Variants in MAST4 observed in about 807,000 individuals in gnomAD.
The protein encoded by MAST4 is microtubule-associated serine/threonine-protein kinase 4.
A neutral mutation model predicts 162.7 loss-of-function variants in MAST4; 89 were observed. That is an observed-to-expected ratio of 0.55 (90% CI 0.46 to 0.65). The LOEUF (loss-of-function observed/expected upper bound fraction) is 0.65, where lower values mean the gene tolerates loss of function less well. MAST4 is among the 30% of genes least tolerant of loss of function. The pLI, the probability that MAST4 is intolerant of heterozygous loss-of-function variation, is 0.00. For synonymous variants in MAST4, 1,479 were observed against 1,361.1 expected (o/e 1.09, Z -1.91); for missense variants, 3,153 against 3,374.0 (o/e 0.93, Z 1.62).
chr5:66,778,394 G>A (rs1238441624), intron 2 of MAST4, among the ~76,000 whole-genome samples: 2 of 152,112 alleles, frequency 1.3e-5, no homozygotes, highest in African/African-American at 4.8e-5. Context: ...GAATTTGCTG[G>A]GTGTTGGTAA....
intron 3 of MAST4, among the ~76,000 whole-genome samples, chr5:66,824,750 C>T (rs963440530): frequency 2.0e-5 from 3 of 152,194 alleles, no homozygotes; most frequent in Non-Finnish European, 4.4e-5. Flanking sequence ...ATGGTATAGC[C>T]TATTGCTCCT....
At chr5:66,834,473 C>G (rs1264459852) in intron 3 of MAST4, among the ~76,000 whole-genome samples, 2 of 152,036 alleles carry the variant, frequency 1.3e-5, no homozygotes, top group Non-Finnish European at 2.9e-5. Flanking sequence ...GAAAGGGAGC[C>G]CATGGATGTT....
rs1371991591 is a variant in MAST4, at chr5:67,078,934, A to C, written c.764-11228A>C. ...TAAATATATATATATATATATATATATATATATATATATATATGGCAATCT... is the reference window on the plus strand; with the variant it reads ...TAAATATATATATATATATATATATCTATATATATATATATATGGCAATCT... On this transcript the variant is annotated intron_variant, in intron 5 of 28. Transcript: ENST00000403625. Among the ~76,000 whole-genome samples, 23 of 97,784 alleles carry C rather than the reference A, an allele frequency of 2.4e-4. 2 individuals carry two copies. The East Asian group carries it at 5.4e-3, about 23-fold the overall frequency. The allele number at this position is 97,784 out of a possible 152,430, so 64.2% of individuals were successfully genotyped here. A position where few individuals can be genotyped will look rare whatever the true frequency, so the allele number is the denominator to read the frequency against.
intron 3 of MAST4, among the ~76,000 whole-genome samples, chr5:66,884,303 G>C (rs1761898853): frequency 6.6e-6 from 1 of 152,104 alleles, no homozygotes; most frequent in South Asian, 2.1e-4. Flanking sequence ...TTTTAATTAG[G>C]TGTTTCTCAA....
intron 4 of MAST4, among the ~76,000 whole-genome samples, chr5:66,953,476 A>G (rs1421689650): frequency 6.6e-6 from 1 of 152,134 alleles, no homozygotes; most frequent in Non-Finnish European, 1.5e-5. Flanking sequence ...TAAGAATTCC[A>G]TATCTAGGTT....
At chr5:66,767,607 T>C (rs191759109) in intron 2 of MAST4, among the ~76,000 whole-genome samples, 236 of 151,508 alleles carry the variant, frequency 1.6e-3, no homozygotes, top group East Asian at 9.7e-3. Flanking sequence ...AGGATATATA[T>C]ACACACACAC....
chr5:67,032,998 A>G (rs1755542262), intron 4 of MAST4, among the ~76,000 whole-genome samples: 1 of 152,110 alleles, frequency 6.6e-6, no homozygotes, highest in Non-Finnish European at 1.5e-5. Context: ...TTGTAGAATC[A>G]TATATAAATA....
At chr5:66,795,575 G>C (rs1755609025) in intron 3 of MAST4, among the ~76,000 whole-genome samples, 1 of 152,102 alleles carries the variant, frequency 6.6e-6, no homozygotes, top group African/African-American at 2.4e-5. Context: ...AAACTTAGTT[G>C]GTTTGGTTAT....
At chr5:66,713,612 A>G (rs1421926957) in intron 1 of MAST4, among the ~76,000 whole-genome samples, 3 of 152,226 alleles carry the variant, frequency 2.0e-5, no homozygotes, top group Non-Finnish European at 2.9e-5. Flanking sequence ...AATTGAATCA[A>G]CATCTTTACT....
chr5:67,087,249 T>C (rs188778584), intron 5 of MAST4, among the ~76,000 whole-genome samples: 2 of 152,250 alleles, frequency 1.3e-5, no homozygotes, highest in Non-Finnish European at 1.5e-5. Flanking sequence ...CCTGTATCCT[T>C]TTTCACTCGT....
intron 2 of MAST4, 63 bp from the exon 3 acceptor site, chr5:66,788,607 C>CCCACCAAAAAGAAAAAA: frequency 7.3e-7 from 1 of 1,373,728 alleles, no homozygotes; most frequent in Non-Finnish European, 1.0e-6. Flanking sequence ...CCCCCACCCC[C>CCCACCAAAAAGAAAAAA]ATTGCAATAA....
chr5:66,715,605 G>C (rs1391278351), intron 1 of MAST4, among the ~76,000 whole-genome samples: 2 of 150,542 alleles, frequency 1.3e-5, no homozygotes, highest in East Asian at 3.9e-4. Context: ...CACCAACATG[G>C]CACATGTATA....
intron 21 of MAST4, 115 bp from the exon 22 acceptor site, chr5:67,144,554 C>A: frequency 9.4e-7 from 1 of 1,062,210 alleles, no homozygotes; most frequent in Non-Finnish European, 1.4e-6. Flanking sequence ...TCTGAATACA[C>A]AATATTAGTT....
chr5:66,794,180 A>G (rs989200995), intron 3 of MAST4, among the ~76,000 whole-genome samples: 2 of 152,206 alleles, frequency 1.3e-5, no homozygotes, highest in African/African-American at 4.8e-5. Context: ...AGTTATGGAA[A>G]CCTTATTCAG....
chr5:66,809,374 T>C (rs569774416), intron 3 of MAST4, among the ~76,000 whole-genome samples: 6 of 152,324 alleles, frequency 3.9e-5, no homozygotes, highest in Admixed American at 1.3e-4. Flanking sequence ...CAGAACTGTA[T>C]AGTTGTGATT....
intron 1 of MAST4, among the ~76,000 whole-genome samples, chr5:66,697,604 G>A (rs142126502): frequency 3.4e-3 from 517 of 152,340 alleles, no homozygotes; most frequent in Non-Finnish European, 6.1e-3. Context: ...AATAGATTGA[G>A]TGCAGAAGCA....
chr5:66,631,178 G>A (rs1744769060), intron 1 of MAST4, among the ~76,000 whole-genome samples: 1 of 152,136 alleles, frequency 6.6e-6, no homozygotes, highest in Non-Finnish European at 1.5e-5. Context: ...AGAATGAATA[G>A]GTTGTAAGTA....
intron 4 of MAST4, among the ~76,000 whole-genome samples, chr5:66,927,574 G>T (rs1302373572): frequency 6.6e-6 from 1 of 152,190 alleles, no homozygotes; most frequent in East Asian, 1.9e-4. Flanking sequence ...AGCCCCATGT[G>T]TGTAAATGAT....
chr5:67,026,827 A>T (rs1437052050), intron 4 of MAST4, among the ~76,000 whole-genome samples: 1 of 152,168 alleles, frequency 6.6e-6, no homozygotes, highest in Non-Finnish European at 1.5e-5. Context: ...CCTGACACAG[A>T]TGTGGAGGGC....
Sources: allele counts gnomAD v4.1 joint callset (sites outside exome capture counted in the v4.1 genomes callset), GRCh38; gene constraint gnomAD v4.1.1; transcripts MANE v1.5; gene names NCBI Gene and HGNC (gene_info 2026-07-23, HGNC 2026-07-21).